Variants in NARS2 observed in about 807,000 individuals in gnomAD.
NARS2 encodes asparaginyl-tRNA synthetase 2, mitochondrial.
NARS2 carries 60 observed loss-of-function variants against 62.9 expected under a neutral mutation model. The observed-to-expected ratio is 0.95, with a 90% CI of 0.77 to 1.18. The LOEUF is 1.18. Ranked by LOEUF, NARS2 falls within the 50% of genes most tolerant of loss-of-function variation. NARS2 has a pLI of 0.00. For missense variants in NARS2, 619 were observed against 576.4 expected (o/e 1.07, Z -0.76); for synonymous variants, 196 against 200.0 (o/e 0.98, Z 0.17).
Position 78,465,879 on chromosome 11 carries a change from G to A in NARS2, c.1161C>T (p.His387=). ...TTTATTTAGTATCTCTTCTTACCGT[G>A]TGCTGAGGGCCATCTTCATTATCCC... The part of the protein sequence containing the change: ...YMRDNEDGPQ[H]TVAAVDLLVP... The change falls in exon 11 of 14, where the codon CAC becomes CAT. Residue 387 remains histidine, a synonymous_variant. Coordinates refer to ENST00000281038, the MANE Select transcript of NARS2 (RefSeq NM_024678.6). 2 of 1,614,080 alleles carry A rather than the reference G, an allele frequency of 1.2e-6. No individual in the cohort carries two copies. Among genetic ancestry groups the A allele is most frequent in the Non-Finnish European group, 1.7e-6 (2 of 1,179,982 alleles).
intron 11 of NARS2, among the ~76,000 whole-genome samples, chr11:78,461,275 G>C (rs1858384669): frequency 6.6e-6 from 1 of 152,128 alleles, no homozygotes; most frequent in African/African-American, 2.4e-5. Flanking sequence ...CAAGGACTGG[G>C]CCTTGAGGAA....
intron 5 of NARS2, among the ~76,000 whole-genome samples, chr11:78,553,552 G>A (rs917939188): frequency 4.6e-5 from 7 of 152,162 alleles, no homozygotes; most frequent in Non-Finnish European, 7.3e-5. Flanking sequence ...GCCTCCCAAA[G>A]TGCTGGGATT....
intron 5 of NARS2, among the ~76,000 whole-genome samples, chr11:78,547,506 G>A (rs947125074): frequency 3.3e-5 from 5 of 152,220 alleles, no homozygotes; most frequent in Non-Finnish European, 7.3e-5. Context: ...GAATGAGGCA[G>A]AAGCAGTAAG....
chr11:78,441,874 T>C (rs2135136401), intron 12 of NARS2, among the ~76,000 whole-genome samples: 1 of 152,318 alleles, frequency 6.6e-6, no homozygotes, highest in East Asian at 1.9e-4. Flanking sequence ...TGATTCTTGT[T>C]TGAGAACTAT....
intron 10 of NARS2, among the ~76,000 whole-genome samples, chr11:78,466,929 A>C (rs1858646865): frequency 1.3e-5 from 2 of 152,106 alleles, no homozygotes; most frequent in South Asian, 4.1e-4. Flanking sequence ...TATAGTGGTA[A>C]GAAAAAGTTA....
chr11:78,548,432 C>A (rs1855961496), intron 5 of NARS2, among the ~76,000 whole-genome samples: 1 of 152,124 alleles, frequency 6.6e-6, no homozygotes, highest in Non-Finnish European at 1.5e-5. Context: ...GTGCCATAAA[C>A]AACTTAGTCA....
At chr11:78,468,310 G>GAAAAAAAAAAAAAAAAAAGAAAAAAAA (rs1858714407) in intron 10 of NARS2, among the ~76,000 whole-genome samples, 1 of 67,436 alleles carries the variant, frequency 1.5e-5, no homozygotes, top group African/African-American at 5.9e-5. Context: ...CACTAAATCT[G>GAAAAAAAAAAAAAAAAAAGAAAAAAAA]AAAAAAAAAA....
At chr11:78,502,991 C>CAAAAAAAAAAAAAA (rs550751384) in intron 6 of NARS2, among the ~76,000 whole-genome samples, 18 of 82,940 alleles carry the variant, frequency 2.2e-4, no homozygotes, top group African/African-American at 1.1e-3. Context: ...GAGACTGTCT[C>CAAAAAAAAAAAAAA]AAAAAAAAAA....
At chr11:78,441,256 A>G (rs1857569498) in intron 12 of NARS2, 139 bp from the exon 13 acceptor site, 2 of 675,634 alleles carry the variant, frequency 3.0e-6, no homozygotes, top group East Asian at 2.6e-5. Context: ...GTAATACTCA[A>G]TATAGTTGAG....
At chr11:78,453,199 C>A (rs1281799699) in intron 11 of NARS2, among the ~76,000 whole-genome samples, 1 of 152,156 alleles carries the variant, frequency 6.6e-6, no homozygotes, top group Non-Finnish European at 1.5e-5. Context: ...CTAAGCTTTC[C>A]CTAATTCCTC....
chr11:78,462,943 T>C (rs1484802186), intron 11 of NARS2, among the ~76,000 whole-genome samples: 1 of 152,246 alleles, frequency 6.6e-6, no homozygotes, highest in Non-Finnish European at 1.5e-5. Flanking sequence ...TGGGCCTATT[T>C]TGAAATCAAT....
chr11:78,526,053 C>T (rs1275201728), intron 6 of NARS2, among the ~76,000 whole-genome samples: 1 of 151,902 alleles, frequency 6.6e-6, no homozygotes, highest in Non-Finnish European at 1.5e-5. Flanking sequence ...TGAATTGGAT[C>T]CTGGAAAAAG....
intron 5 of NARS2, among the ~76,000 whole-genome samples, chr11:78,535,643 T>G (rs973474059): frequency 6.6e-6 from 1 of 152,130 alleles, no homozygotes; most frequent in Non-Finnish European, 1.5e-5. Context: ...TTTTTTTTTT[T>G]TGTGAGACAG....
intron 6 of NARS2, among the ~76,000 whole-genome samples, chr11:78,495,427 T>C (rs568895430): frequency 1.1e-4 from 17 of 152,336 alleles, no homozygotes; most frequent in African/African-American, 3.6e-4. Flanking sequence ...CCAAGTTTAT[T>C]GCTCCCTCTC....
At position 78,478,685 on chromosome 11, in the gene NARS2, TA is replaced by T. The variant is rs777812882; in HGVS notation, c.823-3del. ...AGCCTTGAACAGTTCCTCTATAACC[TA>T]AGAGAAATGAAATAGAATCACCTGA... On this transcript the variant is annotated splice_region_variant and splice_polypyrimidine_tract_variant and intron_variant, in intron 7 of 13. Coordinates refer to ENST00000281038, the MANE Select transcript of NARS2 (RefSeq NM_024678.6). 4 of 1,587,850 alleles carry T rather than the reference TA, an allele frequency of 2.5e-6. No individual in the cohort carries two copies. Among genetic ancestry groups the T allele is most frequent in the Non-Finnish European group, 2.6e-6 (3 of 1,162,548 alleles).
intron 5 of NARS2, among the ~76,000 whole-genome samples, chr11:78,531,285 A>G (rs1861468594): frequency 6.6e-6 from 1 of 152,182 alleles, no homozygotes; most frequent in Non-Finnish European, 1.5e-5. Flanking sequence ...GTTTTTTTCA[A>G]GTGCACAGGG....
intron 3 of NARS2, among the ~76,000 whole-genome samples, chr11:78,567,126 T>C (rs968086201): frequency 3.3e-5 from 5 of 152,184 alleles, no homozygotes; most frequent in African/African-American, 1.2e-4. Context: ...TCAGGGAAGA[T>C]GAAGCCATCA....
At chr11:78,481,569 T>C (rs536538733) in intron 7 of NARS2, among the ~76,000 whole-genome samples, 10 of 152,228 alleles carry the variant, frequency 6.6e-5, no homozygotes, top group African/African-American at 1.9e-4. Flanking sequence ...TCCAGCAGAA[T>C]AAGAAAATCT....
At chr11:78,438,382 G>A (rs1484956786) in intron 13 of NARS2, among the ~76,000 whole-genome samples, 1 of 152,056 alleles carries the variant, frequency 6.6e-6, no homozygotes, top group Non-Finnish European at 1.5e-5. Context: ...TAAAGTTTAC[G>A]AGGCAGCGGG....
Sources: allele counts gnomAD v4.1 joint callset (sites outside exome capture counted in the v4.1 genomes callset), GRCh38; gene constraint gnomAD v4.1.1; transcripts MANE v1.5; gene names NCBI Gene and HGNC (gene_info 2026-07-23, HGNC 2026-07-21).